The following PTPRR variants were observed in gnomAD, a reference collection of about 807,000 sequenced individuals.
PTPRR encodes the protein receptor-type tyrosine-protein phosphatase R.
A neutral mutation model predicts 77.2 loss-of-function variants in PTPRR; 38 were observed. The observed-to-expected ratio is 0.49, with a 90% CI of 0.38 to 0.65. PTPRR has a LOEUF of 0.65. Among genes scored for constraint, PTPRR ranks in the 30% least tolerant of loss-of-function variants. The pLI, the probability that PTPRR is intolerant of heterozygous loss-of-function variation, is 0.00. For synonymous variants in PTPRR, 299 were observed against 283.1 expected, an observed-to-expected ratio of 1.06 and a Z score of -0.57; for missense variants, 744 against 799.2, an observed-to-expected ratio of 0.93 and a Z score of 0.83.
At chr12:70,845,303 G>C (rs1384486522) in intron 2 of PTPRR, among the ~76,000 whole-genome samples, 3 of 151,998 alleles carry the variant, frequency 2.0e-5, no homozygotes, top group Non-Finnish European at 4.4e-5. Flanking sequence ...ATATTAGGAA[G>C]GAATTATCTT....
In PTPRR at chr12:70,698,299, A is replaced by G. The variant is rs778501390; in HGVS notation, c.1245T>C (p.His415=). ...TGGTCTTATAGCGATTTTTAGTTCCATGACGCGGAATATCAATTTCTTTGG... is the reference window on the plus strand; with the variant it reads ...TGGTCTTATAGCGATTTTTAGTTCCGTGACGCGGAATATCAATTTCTTTGG... The part of the protein sequence containing the change: ...VDPKEIDIPR[H]GTKNRYKTIL... The change falls in exon 8 of 14, where the codon CAT becomes CAC. Residue 415 remains histidine, a synonymous_variant. Coordinates refer to ENST00000283228, the MANE Select transcript of PTPRR (RefSeq NM_002849.4). 2 of 1,613,188 alleles carry G rather than the reference A, an allele frequency of 1.2e-6. No individual in the cohort carries two copies. Among genetic ancestry groups the G allele is most frequent in the South Asian group, 1.1e-5 (1 of 91,054 alleles).
intron 1 of PTPRR, among the ~76,000 whole-genome samples, chr12:70,910,324 T>C (rs1893682294): frequency 6.6e-6 from 1 of 152,200 alleles, no homozygotes; most frequent in South Asian, 2.1e-4. Flanking sequence ...TTTTTGTTTG[T>C]TTGTTTTTAT....
In PTPRR at chr12:70,819,919, T is replaced by A. The variant is rs958617488; in HGVS notation, c.358-55141A>T. ...CAGCTATGAAGAGAAGTTCTTCAAT[T>A]ATGACAATCTAATTTTATGAAATGT... On this transcript the variant is annotated intron_variant, in intron 2 of 13. Coordinates refer to ENST00000283228, the MANE Select transcript of PTPRR (RefSeq NM_002849.4). 4.6e-5 allele frequency among the ~76,000 whole-genome samples: 7 copies of A among 152,140 alleles called. No homozygotes were observed. The South Asian group carries it at 1.4e-3, about 31-fold the overall frequency.
chr12:70,705,462 A>G (rs1322453175), intron 6 of PTPRR, among the ~76,000 whole-genome samples: 1 of 151,904 alleles, frequency 6.6e-6, no homozygotes, highest in Non-Finnish European at 1.5e-5. Context: ...GAGAACAGTG[A>G]GACTTCAAGC....
At chr12:70,902,264 TAAAGAACTAAAA>T in intron 1 of PTPRR, among the ~76,000 whole-genome samples, 1 of 151,902 alleles carries the variant, frequency 6.6e-6, no homozygotes, top group African/African-American at 2.4e-5. Context: ...TGGAGATCCT[TAAAGAACTAAAA>T]GTAGAACTAC....
At chr12:70,835,978 C>T (rs529367681) in intron 2 of PTPRR, among the ~76,000 whole-genome samples, 1 of 152,206 alleles carries the variant, frequency 6.6e-6, no homozygotes, top group Non-Finnish European at 1.5e-5. Context: ...AGCTCTCCCT[C>T]ATACTTGTCC....
intron 2 of PTPRR, among the ~76,000 whole-genome samples, chr12:70,886,575 T>C (rs1029547243): frequency 1.3e-5 from 2 of 152,226 alleles, no homozygotes; most frequent in South Asian, 2.1e-4. Context: ...TCAATATTCA[T>C]TGACTAGCTA....
chr12:70,700,849 C>G (rs565893481), intron 7 of PTPRR, among the ~76,000 whole-genome samples: 2 of 152,284 alleles, frequency 1.3e-5, no homozygotes, highest in Admixed American at 1.3e-4. Context: ...ATTCCCCAGA[C>G]AGTGACAGCA....
At chr12:70,704,953 A>C (rs747015142) in intron 6 of PTPRR, among the ~76,000 whole-genome samples, 1 of 152,152 alleles carries the variant, frequency 6.6e-6, no homozygotes, top group Non-Finnish European at 1.5e-5. Flanking sequence ...AACATAATAA[A>C]AAGCTTTATC....
chr12:70,753,549 G>C (rs925630356), intron 5 of PTPRR, among the ~76,000 whole-genome samples: 1 of 152,044 alleles, frequency 6.6e-6, no homozygotes, highest in Admixed American at 6.6e-5. Context: ...AATTTAGTGG[G>C]TTAAGTTTGT....
chr12:70,882,089 T>A (rs1176143689), intron 2 of PTPRR, among the ~76,000 whole-genome samples: 1 of 152,192 alleles, frequency 6.6e-6, no homozygotes, highest in Non-Finnish European at 1.5e-5. Context: ...AAGGTTTTTA[T>A]TCTGTCATCC....
chr12:70,812,573 A>G (rs1318200680), intron 2 of PTPRR, among the ~76,000 whole-genome samples: 3 of 152,292 alleles, frequency 2.0e-5, no homozygotes, highest in Admixed American at 1.3e-4. Flanking sequence ...TCCCTAACCC[A>G]CGTTTCCCAT....
In PTPRR at chr12:70,660,965, G is replaced by A. The variant is rs987406186; in HGVS notation, c.1741C>T (p.Arg581Ter). ...VEEDRLASQG[R>*]GPVVVHCSAG... ...CTGCAGTGGACAACCACAGGCCCTC[G>A]GCCCTGGGAAGCAAGTCTGTCTTCT... is the stretch of plus-strand genomic sequence containing the variant. Residue 581 changes from arginine to a stop codon, truncating the protein, a stop_gained, in exon 12 of 14, where the codon CGA becomes TGA. Coordinates refer to ENST00000283228, the MANE Select transcript of PTPRR (RefSeq NM_002849.4). LOFTEE classifies it high-confidence loss of function. The A allele has an allele frequency of 1.8e-5, 29 of 1,613,582 alleles. No homozygotes were observed. Among genetic ancestry groups the A allele is most frequent in the African/African-American group, 2.7e-5 (2 of 74,914 alleles).
intron 10 of PTPRR, among the ~76,000 whole-genome samples, chr12:70,679,740 T>A (rs1335697594): frequency 6.6e-6 from 1 of 152,202 alleles, no homozygotes; most frequent in African/African-American, 2.4e-5. Flanking sequence ...GCAAGTGATA[T>A]CAATTTTTCA....
chr12:70,839,360 A>G (rs912003065), intron 2 of PTPRR, among the ~76,000 whole-genome samples: 3 of 151,868 alleles, frequency 2.0e-5, no homozygotes, highest in African/African-American at 7.3e-5. Context: ...CCAATACATC[A>G]TTGACCATTT....
intron 2 of PTPRR, among the ~76,000 whole-genome samples, chr12:70,766,411 T>A (rs1890823100): frequency 6.6e-6 from 1 of 151,960 alleles, no homozygotes; most frequent in Non-Finnish European, 1.5e-5. Flanking sequence ...AGAAAGGGTA[T>A]CAGTGATGGA....
chr12:70,908,316 A>G (rs1160111449), intron 1 of PTPRR, among the ~76,000 whole-genome samples: 1 of 152,200 alleles, frequency 6.6e-6, no homozygotes, highest in Non-Finnish European at 1.5e-5. Flanking sequence ...GTCCATTCTC[A>G]CGCTGTTAAT....
intron 2 of PTPRR, among the ~76,000 whole-genome samples, chr12:70,870,082 G>A (rs112280828): frequency 0.013 from 1,932 of 152,186 alleles, 17 homozygotes; most frequent in Middle Eastern, 0.031. Context: ...CCTTGACCCT[G>A]AAGGAAACTA....
chr12:70,809,736 A>G (rs1378140236), intron 2 of PTPRR, among the ~76,000 whole-genome samples: 1 of 152,192 alleles, frequency 6.6e-6, no homozygotes, highest in Non-Finnish European at 1.5e-5. Flanking sequence ...CAGATCCTCA[A>G]TAAATGCTAA....
Sources: gnomAD v4.1 joint callset for allele counts (sites outside exome capture counted in the v4.1 genomes callset) on GRCh38, gnomAD v4.1.1 for gene constraint, MANE v1.5 for transcripts, NCBI Gene and HGNC (gene_info 2026-07-23, HGNC 2026-07-21) for gene names.